The following NELL1 variants were observed in gnomAD, a reference collection of about 807,000 sequenced individuals.
The protein encoded by NELL1 is neural EGFL like 1, also known as protein kinase C-binding protein NELL1.
Under a neutral mutation model 107.4 loss-of-function variants are expected in NELL1, and 76 were observed. The observed-to-expected ratio is 0.71, with a 90% CI of 0.59 to 0.86. NELL1 has a LOEUF of 0.86. Ranked by LOEUF, NELL1 falls within the 40% of genes least tolerant of loss-of-function variation. The probability of loss-of-function intolerance (pLI) is 0.00; values close to 1 mark genes in which losing one functional copy is unlikely to be tolerated. For missense variants in NELL1, 1,024 were observed against 1,005.5 expected (o/e 1.02, Z -0.25); for synonymous variants, 353 against 341.2 (o/e 1.03, Z -0.38).
At chr11:21,033,547 T>A (rs1482624876) in intron 12 of NELL1, among the ~76,000 whole-genome samples, 1 of 152,102 alleles carries the variant, frequency 6.6e-6, no homozygotes, top group Admixed American at 6.5e-5. Context: ...TGCATCCATG[T>A]CTTTGCCAAG....
At chr11:20,927,105 A>T in intron 7 of NELL1, 1 of 530,714 alleles carries the variant, frequency 1.9e-6, no homozygotes, top group South Asian at 2.5e-5. Context: ...AGACCATGAC[A>T]GCCAATATTT....
chr11:21,037,671 A>G (rs2134326443), intron 12 of NELL1, among the ~76,000 whole-genome samples: 1 of 152,242 alleles, frequency 6.6e-6, no homozygotes, highest in South Asian at 2.1e-4. Context: ...GGTTATAGAG[A>G]TTGGTAAACA....
intron 15 of NELL1, among the ~76,000 whole-genome samples, chr11:21,410,498 C>T (rs1307496582): frequency 6.6e-6 from 1 of 151,946 alleles, no homozygotes; most frequent in Non-Finnish European, 1.5e-5. Flanking sequence ...TTCTTTTTTA[C>T]ATTTCCTTTT....
At position 21,494,029 on chromosome 11, in the gene NELL1, G is replaced by A. The variant is rs75022455; in HGVS notation, c.1646-40345G>A. Among the ~76,000 whole-genome samples, 3,835 of 151,716 alleles carry A rather than the reference G, an allele frequency of 0.025. 252 individuals are homozygous for A. The East Asian group carries it at 0.26, about 10-fold the overall frequency. On this transcript the variant is annotated intron_variant, in intron 15 of 19. Coordinates refer to ENST00000357134, the MANE Select transcript of NELL1 (RefSeq NM_006157.5). ...ATTGTACATATATTTTTCATAACCA[G>A]TGTTTCTGTAGCTAAGCAATATATT...
At chr11:21,275,584 A>G (rs1187667535) in intron 14 of NELL1, among the ~76,000 whole-genome samples, 2 of 152,222 alleles carry the variant, frequency 1.3e-5, no homozygotes, top group African/African-American at 4.8e-5. Context: ...AAAGCCTGGC[A>G]GAGACACAAC....
At chr11:21,433,175 C>A (rs1446569712) in intron 15 of NELL1, among the ~76,000 whole-genome samples, 1 of 152,152 alleles carries the variant, frequency 6.6e-6, no homozygotes, top group Non-Finnish European at 1.5e-5. Flanking sequence ...TATTAATATT[C>A]TCTAGGCTCA....
chr11:20,738,871 T>C (rs1402969202), intron 2 of NELL1, among the ~76,000 whole-genome samples: 1 of 152,182 alleles, frequency 6.6e-6, no homozygotes, highest in African/African-American at 2.4e-5. Flanking sequence ...GGAGTCAGAC[T>C]TTGCTTAATG....
At chr11:21,068,098 T>C (rs1274663367) in intron 12 of NELL1, among the ~76,000 whole-genome samples, 1 of 149,138 alleles carries the variant, frequency 6.7e-6, no homozygotes, top group East Asian at 2.0e-4. Flanking sequence ...ACAGATTTGT[T>C]GCTTTAAGTA....
chr11:21,177,444 T>C (rs1226684406), intron 13 of NELL1, among the ~76,000 whole-genome samples: 1 of 151,872 alleles, frequency 6.6e-6, no homozygotes, highest in Non-Finnish European at 1.5e-5. Flanking sequence ...CAACATTTCT[T>C]ACTTGTTTAA....
chr11:21,190,903 G>T (rs757373891), intron 13 of NELL1, among the ~76,000 whole-genome samples: 9 of 151,692 alleles, frequency 5.9e-5, no homozygotes, highest in Non-Finnish European at 1.3e-4. Flanking sequence ...AATGAGAGAG[G>T]TCATAGAGTT....
intron 12 of NELL1, among the ~76,000 whole-genome samples, chr11:21,088,087 G>A (rs1205856729): frequency 6.6e-6 from 1 of 151,340 alleles, no homozygotes; most frequent in African/African-American, 2.4e-5. Flanking sequence ...GTGTGTGTGT[G>A]TGTGTGTGTG....
intron 14 of NELL1, among the ~76,000 whole-genome samples, chr11:21,296,241 G>T (rs1050712810): frequency 2.6e-5 from 4 of 151,814 alleles, no homozygotes; most frequent in Admixed American, 2.0e-4. Context: ...GAGAAAAAAT[G>T]ACATTATCTA....
intron 3 of NELL1, among the ~76,000 whole-genome samples, chr11:20,813,828 T>A (rs531883269): frequency 3.3e-5 from 5 of 152,262 alleles, no homozygotes; most frequent in African/African-American, 1.2e-4. Flanking sequence ...TGAGACATAA[T>A]GAAAAGGGAA....
intron 15 of NELL1, among the ~76,000 whole-genome samples, chr11:21,514,124 C>T (rs1348272392): frequency 2.6e-5 from 4 of 152,294 alleles, no homozygotes; most frequent in Middle Eastern, 6.8e-3. Flanking sequence ...GAAAATGTTA[C>T]ACAATTCAAA....
At chr11:20,706,136 T>A (rs948220504) in intron 2 of NELL1, among the ~76,000 whole-genome samples, 22 of 152,272 alleles carry the variant, frequency 1.4e-4, no homozygotes, top group Non-Finnish European at 2.9e-4. Flanking sequence ...GAACTAGAAA[T>A]ACCGTTTGAC....
chr11:21,277,704 G>A (rs1439338960), intron 14 of NELL1, among the ~76,000 whole-genome samples: 1 of 152,174 alleles, frequency 6.6e-6, no homozygotes, highest in Non-Finnish European at 1.5e-5. Context: ...ATATACCATG[G>A]AATACTATGC....
At chr11:21,521,704 T>A (rs902035174) in intron 15 of NELL1, among the ~76,000 whole-genome samples, 4 of 152,198 alleles carry the variant, frequency 2.6e-5, no homozygotes, top group African/African-American at 9.7e-5. Context: ...ATAGAGGCTG[T>A]TCTAATTTAC....
intron 7 of NELL1, among the ~76,000 whole-genome samples, chr11:20,924,689 G>T (rs142073098): frequency 6.6e-6 from 1 of 152,148 alleles, no homozygotes; most frequent in South Asian, 2.1e-4. Context: ...AGTAAGGCAC[G>T]TATGGGTCCT....
rs59483612 is a variant in NELL1 at position 20,748,872 on chromosome 11, TCATCCATC to T, written c.185-34785_185-34778del. On this transcript the variant is annotated intron_variant, in intron 2 of 19. Transcript: ENST00000357134. Reference sequence around the variant, plus strand: ...CAATTGCGTATTGGAGCATATTCTATCATCCATCCATCCATCCATCCATCCATCCACCC... The same window carrying T: ...CAATTGCGTATTGGAGCATATTCTATCATCCATCCATCCATCCATCCACCC... 1.6e-3 allele frequency among the ~76,000 whole-genome samples: 238 copies of T among 145,948 alleles called. 2 individuals are homozygous for T. Among genetic ancestry groups the T allele is most frequent in the African/African-American group, 5.8e-3 (223 of 38,362 alleles).
Sources: gnomAD v4.1 joint callset for allele counts (sites outside exome capture counted in the v4.1 genomes callset) on GRCh38, gnomAD v4.1.1 for gene constraint, MANE v1.5 for transcripts, NCBI Gene and HGNC (gene_info 2026-07-23, HGNC 2026-07-21) for gene names.